POLI: variants seen among roughly 807,000 people sequenced by gnomAD.
POLI encodes the protein DNA polymerase iota, also known as RAD30 homolog B.
POLI carries 58 observed loss-of-function variants against 51.6 expected under a neutral mutation model. The ratio of observed to expected loss-of-function variants is 1.12; its 90% CI spans 0.91 to 1.40. POLI has a LOEUF of 1.40. Among genes scored for constraint, POLI ranks in the 40% most tolerant of loss-of-function variants. The pLI, the probability that POLI is intolerant of heterozygous loss-of-function variation, is 0.00. For missense variants in POLI, 921 were observed against 871.3 expected (o/e 1.06, Z -0.72); for synonymous variants, 322 against 299.7 (o/e 1.07, Z -0.77).
chr18:54,288,743 A>G (rs961502539), intron 8 of POLI, among the ~76,000 whole-genome samples: 2 of 150,468 alleles, frequency 1.3e-5, no homozygotes, highest in East Asian at 2.0e-4. Context: ...CCCTGTAGTG[A>G]TTTGTTGGTT....
At position 54,283,755 on chromosome 18, in the gene POLI, C is replaced by A. The variant is rs192976553; in HGVS notation, c.976-167C>A. The stretch of plus-strand genomic sequence containing the variant: ...ATTAACTTTCTAGTGAGTACAATAG[C>A]TTGCAGATAAAAAACTGTTAATATA... On this transcript the variant is annotated intron_variant, in intron 6 of 9. Coordinates refer to ENST00000579534, the MANE Select transcript of POLI (RefSeq NM_007195.3). 3.0e-4 allele frequency: 129 copies of A among 435,356 alleles called. 1 individual carries two copies. The highest frequency in any genetic ancestry group is 2.5e-3 in the African/African-American group (124 of 49,570). The allele number at this position is 435,356 out of a possible 1,614,324, so 27.0% of individuals were successfully genotyped here.
At position 54,294,222 on chromosome 18, in the gene POLI, C is replaced by G; in HGVS notation, c.1978C>G (p.Pro660Ala). ...NPAVSAFHSF[P>A]NLQSEQLFSR... ...TGCTGTGTCTGCTTTTCATTCATTT[C>G]CAAACTTGCAGAGTGAGCAACTTTT... The change falls in exon 10 of 10, where the codon CCA becomes GCA. Residue 660 changes from proline (P) to alanine (A), a missense_variant. Physicochemically the swap from Pro to Ala is conservative, Grantham distance 27. Transcript: ENST00000579534. 1 of 1,613,668 alleles carries G rather than the reference C, an allele frequency of 6.2e-7. No individual in the cohort carries two copies. The highest frequency in any genetic ancestry group is 1.3e-5 in the African/African-American group (1 of 75,030).
At chr18:54,275,434 A>G (rs1432659099) in intron 3 of POLI, among the ~76,000 whole-genome samples, 1 of 152,254 alleles carries the variant, frequency 6.6e-6, no homozygotes, top group African/African-American at 2.4e-5. Flanking sequence ...GCCCATCAAG[A>G]GAAATAGCCA....
Position 54,295,921 on chromosome 18 carries a change from C to T in POLI, c.*1454C>T. 1 of 983,294 alleles carries T rather than the reference C, an allele frequency of 1.0e-6. No individual in the cohort carries two copies. Among genetic ancestry groups the T allele is most frequent in the Non-Finnish European group, 1.2e-6 (1 of 827,960 alleles). The allele number at this position is 983,294 out of a possible 1,614,324, so 60.9% of individuals were successfully genotyped here. On this transcript the variant is annotated 3_prime_UTR_variant, in exon 10 of 10. Transcript: ENST00000579534. ...GGATTACAGGTGTGAGCCATTGCTCCTGGCCCCAGCTCTGAAATTTTAACT... is the reference window on the plus strand; with the variant it reads ...GGATTACAGGTGTGAGCCATTGCTCTTGGCCCCAGCTCTGAAATTTTAACT...
downstream of POLI, among the ~76,000 whole-genome samples, chr18:54,302,244 T>TG (rs901717998): frequency 6.6e-6 from 1 of 152,194 alleles, no homozygotes; most frequent in Non-Finnish European, 1.5e-5. Context: ...AGGAACAATG[T>TG]GGGGAAAGGG....
intron 5 of POLI, among the ~76,000 whole-genome samples, chr18:54,281,552 T>G (rs949425685): frequency 6.6e-6 from 1 of 152,204 alleles, no homozygotes; most frequent in African/African-American, 2.4e-5. Flanking sequence ...CTTCACATTT[T>G]TAACTGATAC....
At position 54,295,084 on chromosome 18, in the gene POLI, G is replaced by C. The variant is rs1247626892; in HGVS notation, c.*617G>C. ...GAATGAATGGTTTGGCTAGGGCCAG[G>C]GTGGGGAGTTAAAGTGAGAGGAGGG... On this transcript the variant is annotated 3_prime_UTR_variant, in exon 10 of 10. Transcript: ENST00000579534. The C allele has an allele frequency of 1.0e-6, 1 of 985,384 alleles. No individual in the cohort carries two copies. Among genetic ancestry groups the C allele is most frequent in the Non-Finnish European group, 1.2e-6 (1 of 829,994 alleles). 61.0% of individuals were successfully genotyped at this position (985,384 alleles called of 1,614,324 possible).
At position 54,280,935 on chromosome 18, in the gene POLI, C is replaced by T. The variant is rs774327085; in HGVS notation, c.796+32C>T. ...CAAATATATTTGAAAAGTACATATACGTCTTATTTTATTTCTTTTAATTTA... is the reference window on the plus strand; with the variant it reads ...CAAATATATTTGAAAAGTACATATATGTCTTATTTTATTTCTTTTAATTTA... On this transcript the variant is annotated intron_variant, in intron 5 of 9. Transcript: ENST00000579534. 17 of 1,112,224 alleles carry T rather than the reference C, an allele frequency of 1.5e-5. No individual in the cohort carries two copies. The Admixed American group carries it at 2.1e-4, about 13-fold the overall frequency. The allele number at this position is 1,112,224 out of a possible 1,614,324, so 68.9% of individuals were successfully genotyped here.
chr18:54,301,868 T>A (rs1383633093), downstream of POLI, among the ~76,000 whole-genome samples: 1 of 152,202 alleles, frequency 6.6e-6, no homozygotes, highest in African/African-American at 2.4e-5. Flanking sequence ...TCTTCCTTAT[T>A]CTCTAAATGT....
chr18:54,275,668 T>C (rs2144472987), intron 3 of POLI, among the ~76,000 whole-genome samples: 1 of 152,344 alleles, frequency 6.6e-6, no homozygotes, highest in East Asian at 1.9e-4. Context: ...TGATTTGCAG[T>C]TTTCCATGAG....
Position 54,297,599 on chromosome 18 carries a change from C to T in POLI, c.*3132C>T. 20 of 979,132 alleles carry T rather than the reference C, an allele frequency of 2.0e-5. No individual in the cohort carries two copies. Among genetic ancestry groups the T allele is most frequent in the Non-Finnish European group, 2.4e-5 (20 of 824,942 alleles). The allele number at this position is 979,132 out of a possible 1,614,324, so 60.7% of individuals were successfully genotyped here. A position where few individuals can be genotyped will look rare whatever the true frequency, so the allele number is the denominator to read the frequency against. On this transcript the variant is annotated 3_prime_UTR_variant, in exon 10 of 10. Transcript: ENST00000579534. ...CTTTTTCTATGTTGTGCTTCTTTCCCACCTTTATCTCTCCTCCTATCTTTT... is the reference window on the plus strand; with the variant it reads ...CTTTTTCTATGTTGTGCTTCTTTCCTACCTTTATCTCTCCTCCTATCTTTT...
At chr18:54,280,229 A>T (rs1447012167) in intron 4 of POLI, among the ~76,000 whole-genome samples, 1 of 152,202 alleles carries the variant, frequency 6.6e-6, no homozygotes, top group African/African-American at 2.4e-5. Flanking sequence ...GGAAAAGTCA[A>T]GGTTAGGCCT....
chr18:54,282,780 A>C (rs2144523032), intron 5 of POLI, 57 bp from the exon 6 acceptor site: 1 of 897,258 alleles, frequency 1.1e-6, no homozygotes, highest in South Asian at 1.8e-5. Flanking sequence ...TATTTTAATT[A>C]GCTTTGTTTT....
chr18:54,316,230 T>C (rs868344615), intron 3 of POLI, among the ~76,000 whole-genome samples: 1 of 152,104 alleles, frequency 6.6e-6, no homozygotes, highest in Non-Finnish European at 1.5e-5. Context: ...GCCTTTTAAG[T>C]TGGACATTTA....
intron 2 of POLI, chr18:54,272,116 A>C (rs1369919725): frequency 6.6e-6 from 1 of 152,202 alleles, no homozygotes; most frequent in East Asian, 1.9e-4. Context: ...CTTTTAGTGT[A>C]AGCATAAAGA....
chr18:54,297,510 C>T lies in POLI; in HGVS notation c.*3043C>T, dbSNP rs2088394695. On this transcript the variant is annotated 3_prime_UTR_variant, in exon 10 of 10. Coordinates refer to ENST00000579534, the MANE Select transcript of POLI (RefSeq NM_007195.3). ...AGAACTCTAAAAAGTATCTATTCCACTGTAGTGCCAAAGTACAAATTTATT... is the reference window on the plus strand; with the variant it reads ...AGAACTCTAAAAAGTATCTATTCCATTGTAGTGCCAAAGTACAAATTTATT... 1 of 981,336 alleles carries T rather than the reference C, an allele frequency of 1.0e-6. No homozygotes were observed. Among genetic ancestry groups the T allele is most frequent in the African/African-American group, 1.8e-5 (1 of 57,130 alleles). The allele number at this position is 981,336 out of a possible 1,614,324, so 60.8% of individuals were successfully genotyped here. A position where few individuals can be genotyped will look rare whatever the true frequency, so the allele number is the denominator to read the frequency against.
intron 6 of POLI, 32 bp downstream of exon 6, chr18:54,283,047 T>C (rs768058177): frequency 5.1e-5 from 67 of 1,326,206 alleles, no homozygotes; most frequent in Non-Finnish European, 6.5e-5. Flanking sequence ...AATTAAGTAC[T>C]GGTTATCACA....
rs1196355767 is a variant in POLI at position 54,294,663 on chromosome 18, A to G, written c.*196A>G. On this transcript the variant is annotated 3_prime_UTR_variant, in exon 10 of 10. Transcript: ENST00000579534. The stretch of plus-strand genomic sequence containing the variant: ...TATAACAGAAGAAATAATGTAAAAT[A>G]CTATCTTTTATGTCTAAAGCCATTT... 3.2e-6 allele frequency: 4 copies of G among 1,235,694 alleles called. No homozygotes were observed. The highest frequency in any genetic ancestry group is 3.0e-6 in the Non-Finnish European group (3 of 985,586). The allele number at this position is 1,235,694 out of a possible 1,614,324, so 76.5% of individuals were successfully genotyped here.
At position 54,293,874 on chromosome 18, in the gene POLI, C is replaced by A. The variant is rs200169886; in HGVS notation, c.1630C>A (p.Leu544Ile). 22 of 1,612,518 alleles carry A rather than the reference C, an allele frequency of 1.4e-5. No homozygotes were observed. In the East Asian group the frequency reaches 4.9e-4, roughly 36 times the overall value. ...TCCAGTAGATATTCAAGAAGAAATC[C>A]TTTCTGGAAAATCTAGGGAAAAATT... ...QLPVDIQEEI[L>I]SGKSREKFQG... Residue 544 changes from leucine (L) to isoleucine (I), a missense_variant, in exon 10 of 10, where the codon CTT becomes ATT. Transcript: ENST00000579534.
Sources: allele counts gnomAD v4.1 joint callset (sites outside exome capture counted in the v4.1 genomes callset), GRCh38; gene constraint gnomAD v4.1.1; transcripts MANE v1.5; gene names NCBI Gene and HGNC (gene_info 2026-07-23, HGNC 2026-07-21).